The following CSNK1G2 variants were observed in gnomAD, a reference collection of about 807,000 sequenced individuals.
CSNK1G2 encodes casein kinase 1 gamma 2, also known as casein kinase I isoform gamma-2.
In CSNK1G2, 11 loss-of-function variants were observed where a neutral mutation model predicts 48.0. That is an observed-to-expected ratio of 0.23 (90% CI 0.14 to 0.38). CSNK1G2 has a LOEUF of 0.38. Ranked by LOEUF, CSNK1G2 falls within the 10% of genes least tolerant of loss-of-function variation. The pLI is 1.00. For missense variants in CSNK1G2, 446 were observed against 595.5 expected, an observed-to-expected ratio of 0.75 and a Z score of 2.61; for synonymous variants, 337 against 254.1, an observed-to-expected ratio of 1.33 and a Z score of -3.10.
chr19:1,961,026 G>A (rs1344426436), intron 1 of CSNK1G2, among the ~76,000 whole-genome samples: 2 of 152,232 alleles, frequency 1.3e-5, no homozygotes, highest in African/African-American at 2.4e-5. Context: ...GGCGTGGGCA[G>A]AGGAGAGGCT....
At chr19:1,966,462 C>T (rs1439408598) in intron 1 of CSNK1G2, among the ~76,000 whole-genome samples, 3 of 152,170 alleles carry the variant, frequency 2.0e-5, no homozygotes, top group Non-Finnish European at 4.4e-5. Context: ...GGAGTTGCCT[C>T]TGAAGGGTGA....
intron 1 of CSNK1G2, among the ~76,000 whole-genome samples, chr19:1,967,110 T>G (rs1265988067): frequency 6.6e-6 from 1 of 152,146 alleles, no homozygotes; most frequent in Non-Finnish European, 1.5e-5. Context: ...TGAACGTAAC[T>G]TGTGTGTGCA....
At chr19:1,958,654 C>T (rs1360538347) in intron 1 of CSNK1G2, among the ~76,000 whole-genome samples, 1 of 81,066 alleles carries the variant, frequency 1.2e-5, no homozygotes, top group Non-Finnish European at 2.5e-5. Context: ...GGCACTGTCC[C>T]CCGTCCCCTC....
chr19:1,965,300 A>G lies in CSNK1G2; in HGVS notation c.-265-4208A>G, dbSNP rs544777054. Among the ~76,000 whole-genome samples, 121 of 149,974 alleles carry G rather than the reference A, an allele frequency of 8.1e-4. 1 individual carries two copies. Among genetic ancestry groups the G allele is most frequent in the African/African-American group, 2.2e-3 (89 of 40,950 alleles). Reference sequence around the variant, plus strand: ...CAGGAGGCTGAGGCAGGAGAATGGCATGAACCCAGGAGGCGGAGGTTGCAG... The same window carrying G: ...CAGGAGGCTGAGGCAGGAGAATGGCGTGAACCCAGGAGGCGGAGGTTGCAG... On this transcript the variant is annotated intron_variant, in intron 1 of 11. Coordinates refer to ENST00000255641, the MANE Select transcript of CSNK1G2 (RefSeq NM_001319.7).
rs994536242 is a variant in CSNK1G2 at position 1,957,605 on chromosome 19, G to A, written c.-265-11903G>A. 1.3e-5 allele frequency among the ~76,000 whole-genome samples: 2 copies of A among 152,170 alleles called. No individual in the cohort carries two copies. Among genetic ancestry groups the A allele is most frequent in the Non-Finnish European group, 2.9e-5 (2 of 68,016 alleles). On this transcript the variant is annotated intron_variant, in intron 1 of 11. Coordinates refer to ENST00000255641, the MANE Select transcript of CSNK1G2 (RefSeq NM_001319.7). This position sits in a 1 kb window ranked among gnomAD's most constrained non-coding sequence, Gnocchi z 5.4. ...GCAGGTCCCCCATGTCCCCTCGCCCGGGGCGCGCTCCACAGGCTAGGCCAC... is the reference window on the plus strand; with the variant it reads ...GCAGGTCCCCCATGTCCCCTCGCCCAGGGCGCGCTCCACAGGCTAGGCCAC...
intron 1 of CSNK1G2, among the ~76,000 whole-genome samples, chr19:1,959,542 C>G (rs1174458149): frequency 6.9e-6 from 1 of 144,536 alleles, no homozygotes; most frequent in Non-Finnish European, 1.5e-5. Context: ...TCCCCCAGCA[C>G]CTGTGCCACC....
At chr19:1,943,889 G>A (rs1045261753) in intron 1 of CSNK1G2, among the ~76,000 whole-genome samples, 6 of 152,230 alleles carry the variant, frequency 3.9e-5, no homozygotes, top group Admixed American at 1.3e-4. Context: ...GGCGGAGGGC[G>A]GGTGGTGGAT....
At chr19:1,949,884 C>T (rs954795934) in intron 1 of CSNK1G2, among the ~76,000 whole-genome samples, 1 of 152,242 alleles carries the variant, frequency 6.6e-6, no homozygotes, top group Non-Finnish European at 1.5e-5. Flanking sequence ...AGGGGTCCTG[C>T]ATGTGCCCGG....
chr19:1,955,934 C>T (rs777820221), intron 1 of CSNK1G2, among the ~76,000 whole-genome samples: 1 of 152,198 alleles, frequency 6.6e-6, no homozygotes, highest in Admixed American at 6.5e-5. Context: ...CCACAACAGC[C>T]AAGACCACTG....
At chr19:1,971,752 G>A (rs1456309605) in intron 2 of CSNK1G2, among the ~76,000 whole-genome samples, 1 of 151,020 alleles carries the variant, frequency 6.6e-6, no homozygotes, top group African/African-American at 2.4e-5. Context: ...TGAGAGTGAC[G>A]TGGGTGATGC....
intron 2 of CSNK1G2, among the ~76,000 whole-genome samples, chr19:1,976,356 C>T (rs2015755108): frequency 6.6e-6 from 1 of 152,156 alleles, no homozygotes. Flanking sequence ...CAGGGAGGCA[C>T]CTGGTCTTCC....
chr19:1,944,086 G>T (rs1030724816), intron 1 of CSNK1G2, among the ~76,000 whole-genome samples: 13 of 152,162 alleles, frequency 8.5e-5, no homozygotes, highest in African/African-American at 3.1e-4. Context: ...GGTGGTGGCG[G>T]GCAGCTGTGG....
intron 1 of CSNK1G2, among the ~76,000 whole-genome samples, chr19:1,946,603 AT>A (rs1440990146): frequency 6.9e-5 from 9 of 130,124 alleles, no homozygotes; most frequent in Admixed American, 1.7e-4. Context: ...TTATTTATTT[AT>A]TTATTATTAT....
intron 1 of CSNK1G2, among the ~76,000 whole-genome samples, chr19:1,942,879 T>TCTGGG (rs2014420592): frequency 6.6e-6 from 1 of 152,172 alleles, no homozygotes. Flanking sequence ...AACGAAACGC[T>TCTGGG]CTGGGCTGGG....
intron 1 of CSNK1G2, among the ~76,000 whole-genome samples, chr19:1,955,558 C>G (rs568379779): frequency 5.3e-5 from 8 of 152,108 alleles, no homozygotes; most frequent in Non-Finnish European, 1.0e-4. Context: ...CGAGGCTCCG[C>G]GAGTCGGGGG....
chr19:1,978,973 G>A lies in CSNK1G2; in HGVS notation c.562G>A (p.Asp188Asn). The A allele has an allele frequency of 6.2e-7, 1 of 1,600,174 alleles. No homozygotes were observed. The highest frequency in any genetic ancestry group is 8.5e-7 in the Non-Finnish European group (1 of 1,179,670). The change falls in exon 6 of 12, where the codon GAC becomes AAC. Residue 188 changes from aspartate to asparagine, a missense_variant. Asp to Asn is a conservative substitution (Grantham distance 23, BLOSUM62 1). Coordinates refer to ENST00000255641, the MANE Select transcript of CSNK1G2 (RefSeq NM_001319.7). This position sits in a 1 kb window ranked among gnomAD's most constrained non-coding sequence, Gnocchi z 7.3. ...GCGGCAGCATGCCATCCACATCATCGACTTCGGGCTGGCCAAGGAGTACAT... is the reference window on the plus strand; with the variant it reads ...GCGGCAGCATGCCATCCACATCATCAACTTCGGGCTGGCCAAGGAGTACAT... ...TKRQHAIHII[D>N]FGLAKEYIDP... is the part of the protein sequence containing the mutation.
In CSNK1G2 at chr19:1,961,690, C is replaced by CCT. The variant is rs555604441; in HGVS notation, c.-265-7814_-265-7813dup. 4.6e-3 allele frequency among the ~76,000 whole-genome samples: 707 copies of CCT among 152,350 alleles called. 2 individuals carry two copies. The highest frequency in any genetic ancestry group is 8.1e-3 in the Non-Finnish European group (552 of 68,022). ...GGTGGGGGACTACGTCTCACAGATC[C>CCT]CTCTCCCAGGGCACATGAGGAGATT... is the stretch of plus-strand genomic sequence containing the variant. On this transcript the variant is annotated intron_variant, in intron 1 of 11. Transcript: ENST00000255641.
chr19:1,971,863 G>A (rs889212678), intron 2 of CSNK1G2, among the ~76,000 whole-genome samples: 4 of 148,240 alleles, frequency 2.7e-5, no homozygotes, highest in Admixed American at 2.1e-4. Context: ...TCCGCGTCCC[G>A]GGTTCACGCC....
chr19:1,980,508 T>G lies in CSNK1G2; in HGVS notation c.*305T>G. The G allele has an allele frequency of 2.3e-6, 1 of 427,028 alleles. No individual in the cohort carries two copies. Among genetic ancestry groups the G allele is most frequent in the Non-Finnish European group, 4.2e-6 (1 of 236,256 alleles). The allele number at this position is 427,028 out of a possible 1,614,324, so 26.5% of individuals were successfully genotyped here. On this transcript the variant is annotated 3_prime_UTR_variant, in exon 12 of 12. Transcript: ENST00000255641. ...ACAGAGGCCCGCCCTACCCCACTCCTGCCCCTCCGTTTCTTTGCTGAAGTG... is the reference window on the plus strand; with the variant it reads ...ACAGAGGCCCGCCCTACCCCACTCCGGCCCCTCCGTTTCTTTGCTGAAGTG...
Sources: gnomAD v4.1 joint callset for allele counts (sites outside exome capture counted in the v4.1 genomes callset) on GRCh38, gnomAD v4.1.1 for gene constraint, Gnocchi (gnomAD v3.1) non-coding constraint, MANE v1.5 for transcripts, NCBI Gene and HGNC (gene_info 2026-07-23, HGNC 2026-07-21) for gene names.